Variants in MCC observed in about 807,000 individuals in gnomAD.
The protein encoded by MCC is MCC regulator of Wnt signaling pathway.
A neutral mutation model predicts 116.2 loss-of-function variants in MCC; 90 were observed. The observed-to-expected ratio is 0.77, with a 90% CI of 0.65 to 0.92. The LOEUF (loss-of-function observed/expected upper bound fraction) is 0.92. Among genes scored for constraint, MCC ranks in the 40% least tolerant of loss-of-function variants. MCC has a pLI of 0.00. For missense variants in MCC, 1,516 were observed against 1,312.2 expected (o/e 1.16, Z -2.40); for synonymous variants, 578 against 510.5 (o/e 1.13, Z -1.78).
intron 3 of MCC, among the ~76,000 whole-genome samples, chr5:113,300,458 T>C (rs2150364557): frequency 6.6e-6 from 1 of 152,308 alleles, no homozygotes; most frequent in African/African-American, 2.4e-5. Context: ...CACACACACG[T>C]GAATAATCTT....
At chr5:113,052,700 T>C (rs1234562983) in intron 15 of MCC, among the ~76,000 whole-genome samples, 1 of 152,158 alleles carries the variant, frequency 6.6e-6, no homozygotes, top group African/African-American at 2.4e-5. Context: ...ATAGGAGCCA[T>C]TAACTCTGCA....
chr5:113,274,787 A>T (rs1765762495), intron 3 of MCC, among the ~76,000 whole-genome samples: 2 of 152,220 alleles, frequency 1.3e-5, no homozygotes, highest in African/African-American at 2.4e-5. Flanking sequence ...GGGCTATGGA[A>T]TCACTAAGTA....
chr5:113,364,238 G>GAAAAAAAAAAAAAAAAAAAAAAAC (rs60976854), intron 2 of MCC, among the ~76,000 whole-genome samples: 3 of 49,428 alleles, frequency 6.1e-5, no homozygotes, highest in African/African-American at 7.4e-5. Context: ...CTCAAAAACA[G>GAAAAAAAAAAAAAAAAAAAAAAAC]AAAAAAAAAA....
chr5:113,268,502 A>C (rs1210537091), intron 3 of MCC, among the ~76,000 whole-genome samples: 2 of 152,210 alleles, frequency 1.3e-5, no homozygotes, highest in African/African-American at 4.8e-5. Context: ...TTAGACAACA[A>C]GAAAAATTTT....
intron 3 of MCC, among the ~76,000 whole-genome samples, chr5:113,241,168 A>G (rs1249901392): frequency 6.6e-6 from 1 of 152,260 alleles, no homozygotes; most frequent in African/African-American, 2.4e-5. Flanking sequence ...ACTAACTTGC[A>G]GTCTTTTCTT....
chr5:113,116,403 A>C (rs1310724223), intron 6 of MCC, among the ~76,000 whole-genome samples: 1 of 152,154 alleles, frequency 6.6e-6, no homozygotes, highest in Non-Finnish European at 1.5e-5. Flanking sequence ...AGGAGCTAAC[A>C]CTCCTTTATT....
At chr5:113,248,622 G>GA (rs1764662493) in intron 3 of MCC, among the ~76,000 whole-genome samples, 1 of 152,078 alleles carries the variant, frequency 6.6e-6, no homozygotes, top group Non-Finnish European at 1.5e-5. Context: ...AACCCCGGTT[G>GA]ACCCTCTAAA....
chr5:113,363,507 C>T (rs1768602072), intron 2 of MCC, among the ~76,000 whole-genome samples: 2 of 152,128 alleles, frequency 1.3e-5, no homozygotes. Context: ...AGGTTCTACA[C>T]ACTTTGAACC....
intron 1 of MCC, among the ~76,000 whole-genome samples, chr5:113,400,215 C>G (rs558740446): frequency 6.8e-6 from 1 of 147,238 alleles, no homozygotes; most frequent in African/African-American, 2.6e-5. Flanking sequence ...CTTCCCCTCC[C>G]GGGTTCAAGT....
chr5:113,256,086 G>T (rs567026948), intron 3 of MCC, among the ~76,000 whole-genome samples: 1 of 152,108 alleles, frequency 6.6e-6, no homozygotes, highest in Non-Finnish European at 1.5e-5. Flanking sequence ...CCCTTGTTCC[G>T]AGAATTCACC....
At chr5:113,171,909 C>G (rs1257178323) in intron 3 of MCC, among the ~76,000 whole-genome samples, 2 of 152,186 alleles carry the variant, frequency 1.3e-5, no homozygotes. Context: ...TTCTCACCCT[C>G]ATGATCCATC....
At chr5:113,305,470 G>A (rs1581387538) in intron 3 of MCC, among the ~76,000 whole-genome samples, 1 of 152,170 alleles carries the variant, frequency 6.6e-6, no homozygotes. Context: ...AACTTTAATT[G>A]CAGCTTACAA....
chr5:113,163,136 A>T (rs1454615991), intron 3 of MCC, among the ~76,000 whole-genome samples: 1 of 152,130 alleles, frequency 6.6e-6, no homozygotes, highest in Non-Finnish European at 1.5e-5. Context: ...ATGGGTCCTC[A>T]TATCATTCAG....
At chr5:113,365,663 G>A (rs898846125) in intron 2 of MCC, among the ~76,000 whole-genome samples, 1 of 152,172 alleles carries the variant, frequency 6.6e-6, no homozygotes, top group Non-Finnish European at 1.5e-5. Flanking sequence ...AAATACCTGA[G>A]ACTGGGTAAT....
intron 12 of MCC, among the ~76,000 whole-genome samples, chr5:113,069,153 A>C (rs1265694526): frequency 6.6e-6 from 1 of 152,236 alleles, no homozygotes; most frequent in Admixed American, 6.5e-5. Context: ...TGGTTACCAT[A>C]TTGGGCAGTG....
intron 2 of MCC, among the ~76,000 whole-genome samples, chr5:113,341,717 G>T (rs1290548228): frequency 6.6e-6 from 1 of 152,180 alleles, no homozygotes; most frequent in Non-Finnish European, 1.5e-5. Context: ...TGGTACAGAT[G>T]GTGGAGCCAC....
At chr5:113,443,463 CTTT>C (rs1771109242) in intron 1 of MCC, among the ~76,000 whole-genome samples, 1 of 152,170 alleles carries the variant, frequency 6.6e-6, no homozygotes. Flanking sequence ...TTGACTTCTT[CTTT>C]TCCTATTTGA....
chr5:113,083,140 A>C (rs1055035378), intron 10 of MCC, 132 bp from the exon 11 acceptor site: 103 of 762,186 alleles, frequency 1.4e-4, no homozygotes, highest in African/African-American at 1.2e-3. Flanking sequence ...GAAGGTTCTC[A>C]GTTTGTAGGA....
chr5:113,093,685 C>T (rs535727762), intron 8 of MCC, among the ~76,000 whole-genome samples: 16 of 152,052 alleles, frequency 1.1e-4, no homozygotes, highest in East Asian at 3.9e-4. Context: ...GTCAGCTATG[C>T]GGATGCTTCA....
Sources: gnomAD v4.1 joint callset for allele counts (sites outside exome capture counted in the v4.1 genomes callset) on GRCh38, gnomAD v4.1.1 for gene constraint, MANE v1.5 for transcripts, NCBI Gene and HGNC (gene_info 2026-07-23, HGNC 2026-07-21) for gene names.